The following USF3 variants were observed in gnomAD, a reference collection of about 807,000 sequenced individuals.
USF3 encodes the protein basic helix-loop-helix domain-containing protein USF3.
Under a neutral mutation model 157.5 loss-of-function variants are expected in USF3, and 29 were observed. The observed-to-expected ratio is 0.18, with a 90% CI of 0.14 to 0.25. The LOEUF is 0.25. Among genes scored for constraint, USF3 ranks in the 10% least tolerant of loss-of-function variants. USF3 has a pLI of 1.00. For synonymous variants in USF3, 893 were observed against 941.4 expected (o/e 0.95, Z 0.94); for missense variants, 2,381 against 2,667.6 (o/e 0.89, Z 2.37).
At position 113,655,695 on chromosome 3, in the gene USF3, T is replaced by C; in HGVS notation, c.5987A>G (p.Asn1996Ser). The C allele has an allele frequency of 6.2e-7, 1 of 1,614,018 alleles. No homozygotes were observed. The highest frequency in any genetic ancestry group is 8.5e-7 in the Non-Finnish European group (1 of 1,179,924). ...ACTTTGCCTTTGGTTTCCAGAACGA[T>C]TCCTTTCAGGCTGACGAATTTTGGA... The part of the protein sequence containing the change: ...SGSKIRQPER[N>S]RSGNQRQSTV... The change falls in exon 7 of 7, where the codon AAT becomes AGT. Residue 1996 changes from asparagine (N) to serine (S), a missense_variant. Physicochemically the swap from Asn to Ser is conservative, Grantham distance 46 (BLOSUM62 1). Around this residue, in one of 6 missense-constraint regions of USF3, gnomAD observed 770 missense variants for 824.2 expected, o/e 0.93. Transcript: ENST00000316407.
intron 4 of USF3, among the ~76,000 whole-genome samples, chr3:113,670,791 G>C (rs372166629): frequency 5.9e-5 from 9 of 152,204 alleles, no homozygotes; most frequent in East Asian, 1.9e-4. Context: ...GGGTCCCCCA[G>C]GCTGGAGTGC....
chr3:113,683,056 TGTCAGTGTTTTTCTCTGGTG>T (rs1456272172), intron 1 of USF3, among the ~76,000 whole-genome samples: 1 of 152,088 alleles, frequency 6.6e-6, no homozygotes, highest in Non-Finnish European at 1.5e-5. Context: ...TTCCTTCTCA[TGTCAGTGTTTTTCTCTGGTG>T]GTACGTTTTA....
At chr3:113,679,652 G>T (rs964282286) in intron 1 of USF3, among the ~76,000 whole-genome samples, 1 of 151,984 alleles carries the variant, frequency 6.6e-6, no homozygotes, top group African/African-American at 2.4e-5. Context: ...GACCTCAAGC[G>T]ACCCACCCAT....
At chr3:113,683,675 G>A (rs1426551754) in intron 1 of USF3, among the ~76,000 whole-genome samples, 3 of 151,784 alleles carry the variant, frequency 2.0e-5, no homozygotes, top group Admixed American at 2.0e-4. Context: ...CACCATGTTG[G>A]CCAGGATGGT....
intron 2 of USF3, 34 bp downstream of exon 2, chr3:113,677,248 A>G (rs1237734105): frequency 6.6e-6 from 1 of 152,196 alleles, no homozygotes; most frequent in Non-Finnish European, 1.5e-5. Context: ...ATGTAATTAA[A>G]TAAGTAAATG....
chr3:113,668,462 C>CAA (rs1250260399), intron 5 of USF3, among the ~76,000 whole-genome samples: 4 of 123,768 alleles, frequency 3.2e-5, no homozygotes, highest in Non-Finnish European at 5.3e-5. Flanking sequence ...AGCTATCCCA[C>CAA]AAAAAAAAAA....
In USF3 at chr3:113,660,044, A is replaced by G; in HGVS notation, c.1638T>C (p.Ala546=). The part of the protein sequence containing the change: ...AQPVGSAVNS[A]PTNQNVIILQ... Reference sequence around the variant, plus strand: ...GAATTATAACATTTTGATTAGTTGGAGCTGAATTAACAGCTGACCCAACTG... The same window carrying G: ...GAATTATAACATTTTGATTAGTTGGGGCTGAATTAACAGCTGACCCAACTG... Residue 546 remains alanine, a synonymous_variant, in exon 7 of 7, where the codon GCT becomes GCC. Coordinates refer to ENST00000316407, the MANE Select transcript of USF3 (RefSeq NM_001009899.4). 6.2e-7 allele frequency: 1 copy of G among 1,614,152 alleles called. No individual in the cohort carries two copies. Among genetic ancestry groups the G allele is most frequent in the Non-Finnish European group, 8.5e-7 (1 of 1,180,014 alleles).
chr3:113,655,402 G>A lies in USF3; in HGVS notation c.6280C>T (p.Arg2094Ter), dbSNP rs774027973. The change falls in exon 7 of 7, where the codon CGA becomes TGA. Residue 2094 changes from arginine (R) to a stop codon, truncating the protein, a stop_gained. Transcript: ENST00000316407. LOFTEE classifies it high-confidence loss of function. ...TCTACCGGGATGAGGGCTGGAGTTC[G>A]AGTGGCACTAGGCTGAGTAACCTGT... The part of the protein sequence containing the change: ...IPQVTQPSAT[R>*]TPALIPVDPQ... The A allele has an allele frequency of 6.2e-7, 1 of 1,613,984 alleles. No individual in the cohort carries two copies. The highest frequency in any genetic ancestry group is 1.3e-5 in the African/African-American group (1 of 74,904).
chr3:113,695,289 C>G (rs574008820), intron 1 of USF3, among the ~76,000 whole-genome samples: 2 of 152,302 alleles, frequency 1.3e-5, no homozygotes, highest in Middle Eastern at 3.4e-3. Context: ...GTATCCCAAA[C>G]AGCAACTCTG....
chr3:113,655,193 C>T lies in USF3; in HGVS notation c.6489G>A (p.Gly2163=), dbSNP rs747443405. Residue 2163 remains glycine (G), a synonymous_variant, in exon 7 of 7, where the codon GGG becomes GGA. Transcript: ENST00000316407. ...GSILSPPRPV[G]FAQPSFPLLP... ...GAAGAGGAAAACTTGGTTGAGCAAA[C>T]CCAACAGGTCTGGGAGGAGATAAAA... 4 of 1,614,136 alleles carry T rather than the reference C, an allele frequency of 2.5e-6. No homozygotes were observed. The highest frequency in any genetic ancestry group is 2.2e-5 in the South Asian group (2 of 91,078).
Position 113,654,790 on chromosome 3 carries a change from T to A in USF3, c.*154A>T. 1.3e-6 allele frequency: 1 copy of A among 757,046 alleles called. No homozygotes were observed. The highest frequency in any genetic ancestry group is 2.0e-6 in the Non-Finnish European group (1 of 502,966). 46.9% of individuals were successfully genotyped at this position (757,046 alleles called of 1,614,324 possible). ...GTTTTCTGACAACCCAGTATCTGCATCTGACATGGCTTCCCTACATTCAGA... is the reference window on the plus strand; with the variant it reads ...GTTTTCTGACAACCCAGTATCTGCAACTGACATGGCTTCCCTACATTCAGA... On this transcript the variant is annotated 3_prime_UTR_variant, in exon 7 of 7. Coordinates refer to ENST00000316407, the MANE Select transcript of USF3 (RefSeq NM_001009899.4).
chr3:113,685,151 C>G (rs1490098705), intron 1 of USF3, among the ~76,000 whole-genome samples: 1 of 152,142 alleles, frequency 6.6e-6, no homozygotes, highest in Non-Finnish European at 1.5e-5. Context: ...CCAGAATTCC[C>G]TAATGTATCA....
rs9813630 is a variant in USF3, at chr3:113,658,514, A to G, written c.3168T>C (p.Asn1056=). ...GATGCTGTGGAGGATCTCTATCATC[A>G]TTGTTCATCAGTAATAGTTCCTGTT... The part of the protein sequence containing the change: ...HPKQELLLMN[N]DDRDPPQHHS... Residue 1056 remains asparagine (N), a synonymous_variant, in exon 7 of 7, where the codon AAT becomes AAC. Coordinates refer to ENST00000316407, the MANE Select transcript of USF3 (RefSeq NM_001009899.4). The G allele has an allele frequency of 0.33, 528,585 of 1,613,284 alleles. 88,822 individuals carry two copies. The highest frequency in any genetic ancestry group is 0.41 in the African/African-American group (30,552 of 74,872).
At chr3:113,668,898 CAG>C (rs1707075468) in intron 5 of USF3, among the ~76,000 whole-genome samples, 1 of 152,048 alleles carries the variant, frequency 6.6e-6, no homozygotes, top group Admixed American at 6.6e-5. Flanking sequence ...AAAAGGAGAA[CAG>C]AGTGTTCCAG....
chr3:113,682,690 G>C (rs1376497292), intron 1 of USF3, among the ~76,000 whole-genome samples: 2 of 152,090 alleles, frequency 1.3e-5, no homozygotes, highest in Non-Finnish European at 2.9e-5. Context: ...TTGCTGAAAT[G>C]TTCCCTTTAA....
intron 2 of USF3, among the ~76,000 whole-genome samples, chr3:113,676,290 G>A (rs771301416): frequency 6.6e-6 from 1 of 152,134 alleles, no homozygotes; most frequent in Admixed American, 6.6e-5. Flanking sequence ...CCATTGTCAC[G>A]CTGCTATGAA....
Position 113,653,238 on chromosome 3 carries a change from GT to G in USF3, c.*1705del, listed in dbSNP as rs556311563. The G allele has an allele frequency of 9.3e-5, 14 of 150,518 alleles. No individual in the cohort carries two copies. The highest frequency in any genetic ancestry group is 4.2e-4 in the South Asian group (2 of 4,762). The allele number at this position is 150,518 out of a possible 1,614,324, so 9.3% of individuals were successfully genotyped here. On this transcript the variant is annotated 3_prime_UTR_variant, in exon 7 of 7. Coordinates refer to ENST00000316407, the MANE Select transcript of USF3 (RefSeq NM_001009899.4). ...AGGAATATATGCCATTGTTTTCTTA[GT>G]TTTTTTTTTAAGTTTTCAAATTTTA...
Position 113,661,354 on chromosome 3 carries a change from G to T in USF3, c.328C>A (p.Leu110Met). Residue 110 changes from leucine to methionine, a missense_variant, in exon 7 of 7, where the codon CTG (leucine) becomes ATG (methionine). Physicochemically the swap from Leu to Met is conservative, Grantham distance 15. Around this residue, in one of 6 missense-constraint regions of USF3, gnomAD observed 105 missense variants for 158.6 expected, o/e 0.66. Transcript: ENST00000316407. ...TATAAGCATATGTCATTAGCTTTCA[G>T]TAATTCAATATATCGGCCATTTTCT... ...QKENGRYIELLKANDICLYDD... is the reference protein window; with the variant it reads ...QKENGRYIELMKANDICLYDD... 6.2e-7 allele frequency: 1 copy of T among 1,602,958 alleles called. No homozygotes were observed. The highest frequency in any genetic ancestry group is 1.1e-5 in the South Asian group (1 of 87,990).
In USF3 at chr3:113,661,248, T is replaced by C. The variant is rs1421479881; in HGVS notation, c.434A>G (p.Lys145Arg). 3 of 1,614,094 alleles carry C rather than the reference T, an allele frequency of 1.9e-6. No homozygotes were observed. Among genetic ancestry groups the C allele is most frequent in the Non-Finnish European group, 2.5e-6 (3 of 1,180,000 alleles). ...SVVIPSDQVQ[K>R]KIIVYSNGNQ... ...CCCGTTGGAATAAACAATAATTTTT[T>C]TTTGAACCTGGTCACTAGGAATAAC... Residue 145 changes from lysine (K) to arginine (R), a missense_variant, in exon 7 of 7, where the codon AAA (lysine) becomes AGA (arginine). Coordinates refer to ENST00000316407, the MANE Select transcript of USF3 (RefSeq NM_001009899.4).
Sources: gnomAD v4.1 joint callset for allele counts (sites outside exome capture counted in the v4.1 genomes callset) on GRCh38, gnomAD v4.1.1 for gene constraint, gnomAD v4.1.1 regional missense constraint, MANE v1.5 for transcripts, NCBI Gene and HGNC (gene_info 2026-07-23, HGNC 2026-07-21) for gene names.